The following TRAPPC9 variants were observed in gnomAD, a reference collection of about 807,000 sequenced individuals.
TRAPPC9 encodes trafficking protein particle complex subunit 9.
A neutral mutation model predicts 124.0 loss-of-function variants in TRAPPC9; 83 were observed. The ratio of observed to expected loss-of-function variants is 0.67; its 90% CI spans 0.56 to 0.80. TRAPPC9 has a LOEUF of 0.80. Ranked by LOEUF, TRAPPC9 falls within the 30% of genes least tolerant of loss-of-function variation. TRAPPC9 has a pLI of 0.00. For synonymous variants in TRAPPC9, 638 were observed against 617.5 expected (o/e 1.03, Z -0.49); for missense variants, 1,302 against 1,508.3 (o/e 0.86, Z 2.27).
intron 17 of TRAPPC9, among the ~76,000 whole-genome samples, chr8:140,103,467 G>A (rs937729994): frequency 7.2e-5 from 11 of 152,210 alleles, no homozygotes; most frequent in African/African-American, 1.9e-4. Context: ...TGGTACAAGC[G>A]ATTGGGGCAG....
chr8:140,194,425 C>T (rs1358624662), intron 17 of TRAPPC9, among the ~76,000 whole-genome samples: 1 of 152,144 alleles, frequency 6.6e-6, no homozygotes, highest in African/African-American at 2.4e-5. Context: ...AATGTAAATG[C>T]TATGTAAATA....
At chr8:140,428,794 T>C (rs1170858856) in intron 4 of TRAPPC9, among the ~76,000 whole-genome samples, 1 of 152,204 alleles carries the variant, frequency 6.6e-6, no homozygotes, top group Non-Finnish European at 1.5e-5. Context: ...AGGAGTTTTC[T>C]AGATGAATTT....
intron 19 of TRAPPC9, among the ~76,000 whole-genome samples, chr8:139,967,759 T>C (rs1835794781): frequency 6.6e-6 from 1 of 152,246 alleles, no homozygotes; most frequent in African/African-American, 2.4e-5. Context: ...TTTTCCTTTG[T>C]CTTCTCCCTC....
chr8:139,996,803 G>C (rs896620147), intron 18 of TRAPPC9, among the ~76,000 whole-genome samples: 2 of 152,164 alleles, frequency 1.3e-5, no homozygotes, highest in African/African-American at 4.8e-5. Context: ...GCAATGGCGT[G>C]ATCTCGGCTC....
intron 21 of TRAPPC9, among the ~76,000 whole-genome samples, chr8:139,807,650 G>C (rs1400660175): frequency 2.0e-5 from 3 of 152,132 alleles, no homozygotes; most frequent in Non-Finnish European, 4.4e-5. Flanking sequence ...CTCCACAAAA[G>C]GTGGGCGAAC....
At chr8:140,245,507 T>TA (rs1235251134) in intron 16 of TRAPPC9, among the ~76,000 whole-genome samples, 4 of 151,956 alleles carry the variant, frequency 2.6e-5, no homozygotes, top group Admixed American at 6.6e-5. Flanking sequence ...AAAATACACA[T>TA]AATTTAAAGT....
Position 140,104,511 on chromosome 8 carries a change from C to A in TRAPPC9, c.2557-80432G>T, listed in dbSNP as rs367944923. On this transcript the variant is annotated intron_variant, in intron 17 of 22. Coordinates refer to ENST00000438773, the MANE Select transcript of TRAPPC9 (RefSeq NM_001160372.4). This position sits in a 1 kb window ranked among gnomAD's most constrained non-coding sequence, Gnocchi z 4.0. ...AAATAATATGCAAGTAGTATGATGG[C>A]ACGATGGGGGGAGCTGTGAACTAGC... Among the ~76,000 whole-genome samples, 8 of 152,184 alleles carry A rather than the reference C, an allele frequency of 5.3e-5. No homozygotes were observed. The East Asian group carries it at 1.5e-3, about 29-fold the overall frequency.
chr8:139,962,418 T>C (rs1271047361), intron 19 of TRAPPC9, among the ~76,000 whole-genome samples: 1 of 125,216 alleles, frequency 8.0e-6, no homozygotes, highest in African/African-American at 2.5e-5. Flanking sequence ...AGAACACAAG[T>C]TGTATGTTCT....
At chr8:139,918,596 C>T (rs905156869) in intron 19 of TRAPPC9, among the ~76,000 whole-genome samples, 8 of 152,344 alleles carry the variant, frequency 5.3e-5, no homozygotes, top group African/African-American at 1.4e-4. Flanking sequence ...AGCCAGACAC[C>T]GCCTTCCCCG....
chr8:139,836,476 T>C (rs898071665), intron 21 of TRAPPC9, among the ~76,000 whole-genome samples: 2 of 152,278 alleles, frequency 1.3e-5, no homozygotes, highest in Admixed American at 1.3e-4. Context: ...AGAAAGAGCT[T>C]CCATGAGCAA....
At chr8:140,447,946 A>T (rs1357320978) in intron 2 of TRAPPC9, among the ~76,000 whole-genome samples, 3 of 152,068 alleles carry the variant, frequency 2.0e-5, no homozygotes, top group Non-Finnish European at 4.4e-5. Flanking sequence ...GGAGTTCGAG[A>T]CCAGCCTGGC....
At chr8:140,173,182 A>G (rs1024426407) in intron 17 of TRAPPC9, among the ~76,000 whole-genome samples, 1 of 152,244 alleles carries the variant, frequency 6.6e-6, no homozygotes, top group African/African-American at 2.4e-5. Context: ...CAAGACTACT[A>G]CAAGAATTAC....
At chr8:140,311,214 AGCT>A in intron 10 of TRAPPC9, 31 bp downstream of exon 10, 1 of 1,605,854 alleles carries the variant, frequency 6.2e-7, no homozygotes, top group Non-Finnish European at 8.5e-7. Flanking sequence ...CCCAGAGGGC[AGCT>A]GCCTTTCCGG....
intron 9 of TRAPPC9, among the ~76,000 whole-genome samples, chr8:140,348,386 C>T (rs529752448): frequency 6.6e-6 from 1 of 152,284 alleles, no homozygotes; most frequent in Admixed American, 6.5e-5. Flanking sequence ...CAAGAAAACG[C>T]AAATTAGAAG....
chr8:139,927,147 C>T (rs1832864862), intron 19 of TRAPPC9, among the ~76,000 whole-genome samples: 1 of 152,224 alleles, frequency 6.6e-6, no homozygotes, highest in Admixed American at 6.5e-5. Flanking sequence ...TACAATGAAA[C>T]AGACTGACCA....
intron 17 of TRAPPC9, among the ~76,000 whole-genome samples, chr8:140,154,966 T>A (rs572579671): frequency 6.6e-6 from 1 of 152,200 alleles, no homozygotes; most frequent in Non-Finnish European, 1.5e-5. Context: ...TAGCATACCA[T>A]GTAGGGCATC....
At chr8:140,026,862 A>G (rs1179598522) in intron 17 of TRAPPC9, among the ~76,000 whole-genome samples, 2 of 152,228 alleles carry the variant, frequency 1.3e-5, no homozygotes, top group African/African-American at 4.8e-5. Flanking sequence ...AAATGGCTCA[A>G]TAAAATACAG....
rs117723215 is a variant in TRAPPC9 at position 139,733,044 on chromosome 8, G to A, written c.3056-842C>T. ...TCAGGGAAGCGAGCTGATGATCAGGGTGGCAGGTTTCATGGTGATCCCCAA... is the reference window on the plus strand; with the variant it reads ...TCAGGGAAGCGAGCTGATGATCAGGATGGCAGGTTTCATGGTGATCCCCAA... On this transcript the variant is annotated intron_variant, in intron 21 of 22. Coordinates refer to ENST00000438773, the MANE Select transcript of TRAPPC9 (RefSeq NM_001160372.4). Among the ~76,000 whole-genome samples the A allele has an allele frequency of 1.1e-3, 162 of 152,130 alleles. 2 individuals carry two copies. The East Asian group carries it at 0.028, about 27-fold the overall frequency.
chr8:140,140,916 T>C (rs1467381130), intron 17 of TRAPPC9, among the ~76,000 whole-genome samples: 1 of 152,222 alleles, frequency 6.6e-6, no homozygotes, highest in Admixed American at 6.5e-5. Context: ...TCTCTACTAC[T>C]TTCCCTCGCA....
Sources: gnomAD v4.1 joint callset for allele counts (sites outside exome capture counted in the v4.1 genomes callset) on GRCh38, gnomAD v4.1.1 for gene constraint, Gnocchi (gnomAD v3.1) non-coding constraint, MANE v1.5 for transcripts, NCBI Gene and HGNC (gene_info 2026-07-23, HGNC 2026-07-21) for gene names.